The following NTM variants were observed in gnomAD, a reference collection of about 807,000 sequenced individuals.
NTM encodes neurotrimin.
In NTM, 13 loss-of-function variants were observed where a neutral mutation model predicts 42.1. The observed-to-expected ratio is 0.31, with a 90% CI of 0.20 to 0.49. NTM has a LOEUF of 0.49. Among genes scored for constraint, NTM ranks in the 20% least tolerant of loss-of-function variants. The pLI is 0.99. For missense variants in NTM, 373 were observed against 452.8 expected (o/e 0.82, Z 1.60); for synonymous variants, 187 against 179.2 (o/e 1.04, Z -0.35).
At chr11:131,408,583 T>A (rs1946060633) in intron 1 of NTM, among the ~76,000 whole-genome samples, 1 of 152,210 alleles carries the variant, frequency 6.6e-6, no homozygotes, top group Admixed American at 6.5e-5. Flanking sequence ...GAGGCTGGTG[T>A]GAGTTCATTG....
intron 1 of NTM, among the ~76,000 whole-genome samples, chr11:131,444,791 T>C (rs1165679222): frequency 6.6e-6 from 1 of 152,188 alleles, no homozygotes; most frequent in Non-Finnish European, 1.5e-5. Context: ...TCAGTTGATC[T>C]AACAGGGCTT....
chr11:132,195,774 C>T (rs1194542949), intron 3 of NTM, among the ~76,000 whole-genome samples: 1 of 152,084 alleles, frequency 6.6e-6, no homozygotes, highest in Non-Finnish European at 1.5e-5. Flanking sequence ...TGAAACTGGC[C>T]CCTTTCTTTT....
intron 2 of NTM, among the ~76,000 whole-genome samples, chr11:132,103,363 T>C (rs1019500929): frequency 1.3e-5 from 2 of 152,248 alleles, no homozygotes; most frequent in Non-Finnish European, 2.9e-5. Context: ...GCGCTGGCAT[T>C]TCTAATCTCG....
intron 1 of NTM, chr11:131,660,894 T>A (rs563143182): frequency 2.3e-6 from 3 of 1,282,320 alleles, no homozygotes; most frequent in East Asian, 1.1e-4. Flanking sequence ...GTGTGTAATG[T>A]GATGCATGGC....
At chr11:131,423,232 A>G (rs1947718958) in intron 1 of NTM, among the ~76,000 whole-genome samples, 1 of 152,178 alleles carries the variant, frequency 6.6e-6, no homozygotes, top group African/African-American at 2.4e-5. Flanking sequence ...TGTAGGACCT[A>G]TTGCACCACT....
chr11:132,042,030 C>T (rs1372058598), intron 2 of NTM, among the ~76,000 whole-genome samples: 1 of 152,122 alleles, frequency 6.6e-6, no homozygotes, highest in African/African-American at 2.4e-5. Flanking sequence ...AGCTAATTAT[C>T]CTGAAGGCCT....
At chr11:132,050,376 C>T (rs1422435823) in intron 2 of NTM, among the ~76,000 whole-genome samples, 1 of 152,150 alleles carries the variant, frequency 6.6e-6, no homozygotes, top group Non-Finnish European at 1.5e-5. Flanking sequence ...ACCAGCCCAC[C>T]CCTACGAGGA....
At position 132,226,750 on chromosome 11, in the gene NTM, A is replaced by G. The variant is rs542952019; in HGVS notation, c.526+14603A>G. The stretch of plus-strand genomic sequence containing the variant: ...TGATGACGTCATGGACTGCAGTGGT[A>G]GGATTTGCAATCTAAGAGTATGTTA... On this transcript the variant is annotated intron_variant, in intron 4 of 8. Coordinates refer to ENST00000683400, the MANE Select transcript of NTM (RefSeq NM_001352005.2). Among the ~76,000 whole-genome samples the G allele has an allele frequency of 3.3e-5, 5 of 152,344 alleles. No individual in the cohort carries two copies. The East Asian group carries it at 9.6e-4, about 29-fold the overall frequency.
chr11:131,652,176 G>C (rs2066582701), intron 1 of NTM, among the ~76,000 whole-genome samples: 2 of 152,182 alleles, frequency 1.3e-5, no homozygotes, highest in Admixed American at 1.3e-4. Flanking sequence ...AAAGAAGATT[G>C]GCCCCATAAG....
At chr11:132,031,266 G>A (rs2075882397) in intron 2 of NTM, among the ~76,000 whole-genome samples, 1 of 152,134 alleles carries the variant, frequency 6.6e-6, no homozygotes, top group East Asian at 1.9e-4. Flanking sequence ...TACTCTTTTT[G>A]TAAAGGGAAG....
chr11:131,488,623 T>C (rs1954446944), intron 1 of NTM, among the ~76,000 whole-genome samples: 1 of 152,164 alleles, frequency 6.6e-6, no homozygotes, highest in South Asian at 2.1e-4. Context: ...TGGGAGGAAT[T>C]CTTGGAGGCC....
At chr11:131,427,888 G>C (rs1282764125) in intron 1 of NTM, among the ~76,000 whole-genome samples, 1 of 152,142 alleles carries the variant, frequency 6.6e-6, no homozygotes, top group African/African-American at 2.4e-5. Context: ...GAAAACCCAT[G>C]TTTGCTTTTC....
chr11:132,259,111 G>T (rs1055898677), intron 4 of NTM, among the ~76,000 whole-genome samples: 1 of 152,110 alleles, frequency 6.6e-6, no homozygotes, highest in Admixed American at 6.5e-5. Flanking sequence ...GTGGGAGCAG[G>T]CTGATGATAG....
chr11:132,228,253 G>A (rs1047343998), intron 4 of NTM, among the ~76,000 whole-genome samples: 7 of 152,278 alleles, frequency 4.6e-5, no homozygotes, highest in Non-Finnish European at 1.0e-4. Context: ...CATGCCCTGG[G>A]AATTCTGTGA....
At chr11:132,097,433 C>T (rs1056440319) in intron 2 of NTM, among the ~76,000 whole-genome samples, 1 of 152,188 alleles carries the variant, frequency 6.6e-6, no homozygotes, top group Non-Finnish European at 1.5e-5. Context: ...CTCCTGGGTG[C>T]TGATGGCTCA....
intron 1 of NTM, among the ~76,000 whole-genome samples, chr11:131,585,700 C>T (rs902088661): frequency 6.6e-6 from 1 of 152,118 alleles, no homozygotes; most frequent in African/African-American, 2.4e-5. Flanking sequence ...GGCATTTCAT[C>T]AAAACACCGA....
At chr11:132,186,568 TA>T (rs1447322748) in intron 3 of NTM, among the ~76,000 whole-genome samples, 3 of 152,212 alleles carry the variant, frequency 2.0e-5, no homozygotes, top group African/African-American at 4.8e-5. Flanking sequence ...GCCTGCTTTT[TA>T]AATTTTTATT....
At chr11:132,218,709 A>G (rs2084459300) in intron 4 of NTM, among the ~76,000 whole-genome samples, 1 of 152,168 alleles carries the variant, frequency 6.6e-6, no homozygotes, top group Admixed American at 6.5e-5. Context: ...TCCACTCTGT[A>G]TCTGCTTCCT....
intron 1 of NTM, among the ~76,000 whole-genome samples, chr11:131,474,366 C>G (rs1237299736): frequency 6.6e-6 from 1 of 152,028 alleles, no homozygotes; most frequent in African/African-American, 2.4e-5. Context: ...TCACCTCTTG[C>G]TCTACATCTT....
Sources: allele counts gnomAD v4.1 joint callset (sites outside exome capture counted in the v4.1 genomes callset), GRCh38; gene constraint gnomAD v4.1.1; transcripts MANE v1.5; gene names NCBI Gene and HGNC (gene_info 2026-07-23, HGNC 2026-07-21).